The following COG5 variants were observed in gnomAD, a reference collection of about 807,000 sequenced individuals.
COG5 encodes the protein component of oligomeric golgi complex 5, also known as conserved oligomeric Golgi complex subunit 5.
A neutral mutation model predicts 110.4 loss-of-function variants in COG5; 86 were observed. The ratio of observed to expected loss-of-function variants is 0.78; its 90% confidence interval spans 0.65 to 0.93. The LOEUF (loss-of-function observed/expected upper bound fraction) is 0.93. Ranked by LOEUF, COG5 falls within the 40% of genes least tolerant of loss-of-function variation. The pLI is 0.00. For synonymous variants in COG5, 360 were observed against 334.6 expected, an observed-to-expected ratio of 1.08 and a Z score of -0.83; for missense variants, 1,077 against 987.0, an observed-to-expected ratio of 1.09 and a Z score of -1.22.
chr7:107,543,640 C>A (rs1182470204), intron 5 of COG5, among the ~76,000 whole-genome samples: 1 of 152,174 alleles, frequency 6.6e-6, no homozygotes, highest in Non-Finnish European at 1.5e-5. Context: ...CAGCACCAGG[C>A]CAGCCCCTGA....
chr7:107,205,496 G>C (rs1368410538), intron 21 of COG5, among the ~76,000 whole-genome samples: 1 of 152,176 alleles, frequency 6.6e-6, no homozygotes, highest in Non-Finnish European at 1.5e-5. Context: ...TGCCCACCTA[G>C]GGAAAGATCA....
intron 7 of COG5, among the ~76,000 whole-genome samples, chr7:107,401,827 G>T (rs1791453481): frequency 6.6e-6 from 1 of 152,100 alleles, no homozygotes; most frequent in Non-Finnish European, 1.5e-5. Flanking sequence ...GGGTCATAAG[G>T]GAAGGAAAAC....
At chr7:107,392,897 G>T (rs767699019) in intron 7 of COG5, among the ~76,000 whole-genome samples, 2 of 151,990 alleles carry the variant, frequency 1.3e-5, no homozygotes, top group African/African-American at 4.8e-5. Flanking sequence ...TCTAAAAGGC[G>T]CCTGCATACC....
At chr7:107,459,473 TA>T (rs11320434) in intron 6 of COG5, among the ~76,000 whole-genome samples, 13,002 of 147,830 alleles carry the variant, frequency 0.088, 1,471 homozygotes, top group African/African-American at 0.26. Flanking sequence ...TTTTTTTCAG[TA>T]AAAAAAAAAA....
At chr7:107,376,327 A>G (rs1413996125) in intron 7 of COG5, among the ~76,000 whole-genome samples, 1 of 151,908 alleles carries the variant, frequency 6.6e-6, no homozygotes, top group Non-Finnish European at 1.5e-5. Context: ...AAAAGTTTTC[A>G]GGTATTGTTT....
At chr7:107,348,463 T>C (rs1232106771) in intron 10 of COG5, among the ~76,000 whole-genome samples, 1 of 152,194 alleles carries the variant, frequency 6.6e-6, no homozygotes, top group East Asian at 1.9e-4. Context: ...CTGATTGAAT[T>C]TCTTTAAAGG....
intron 19 of COG5, among the ~76,000 whole-genome samples, chr7:107,220,191 T>C (rs911759500): frequency 2.0e-5 from 3 of 152,184 alleles, no homozygotes; most frequent in African/African-American, 7.2e-5. Flanking sequence ...AATCAGTATA[T>C]ACAGAAACAA....
At chr7:107,531,133 T>A (rs1801172686) in intron 5 of COG5, among the ~76,000 whole-genome samples, 2 of 152,244 alleles carry the variant, frequency 1.3e-5, no homozygotes, top group African/African-American at 4.8e-5. Context: ...CTTCTCTTTT[T>A]TTCATTGCAA....
At chr7:107,258,221 G>A (rs1803030034) in intron 15 of COG5, 52 bp downstream of exon 15, 1 of 1,071,934 alleles carries the variant, frequency 9.3e-7, no homozygotes, top group East Asian at 2.5e-5. Context: ...GTCCAAATTT[G>A]AGGCAAGAAG....
chr7:107,302,743 A>T (rs1584647466), intron 11 of COG5, among the ~76,000 whole-genome samples: 1 of 152,228 alleles, frequency 6.6e-6, no homozygotes, highest in South Asian at 2.1e-4. Flanking sequence ...GCAGACAGAT[A>T]GCAGACTCAT....
At chr7:107,414,427 G>T (rs1175459885) in intron 6 of COG5, among the ~76,000 whole-genome samples, 1 of 151,926 alleles carries the variant, frequency 6.6e-6, no homozygotes, top group Admixed American at 6.6e-5. Context: ...GCTTTTAGTG[G>T]AAAAGAAATG....
intron 8 of COG5, among the ~76,000 whole-genome samples, chr7:107,365,531 T>C (rs2129047504): frequency 6.8e-6 from 1 of 148,136 alleles, no homozygotes; most frequent in South Asian, 2.1e-4. Context: ...ATCTAAGGAT[T>C]CTTTGATTAC....
intron 17 of COG5, among the ~76,000 whole-genome samples, chr7:107,247,015 T>G (rs1251918263): frequency 6.6e-6 from 1 of 152,200 alleles, no homozygotes; most frequent in Admixed American, 6.5e-5. Context: ...GTGGTACATA[T>G]ACACCATGGA....
In COG5 at chr7:107,476,183, T is replaced by TAAAAAAAAAAAAAAAAAAAAAAAAAA. The variant is rs1563056700; in HGVS notation, c.538+51053_538+51054insTTTTTTTTTTTTTTTTTTTTTTTTTT. Among the ~76,000 whole-genome samples, 45 of 86,454 alleles carry TAAAAAAAAAAAAAAAAAAAAAAAAAA rather than the reference T, an allele frequency of 5.2e-4. 3 individuals are homozygous for TAAAAAAAAAAAAAAAAAAAAAAAAAA. The highest frequency in any genetic ancestry group is 6.1e-4 in the Non-Finnish European group (28 of 45,962). 56.7% of individuals were successfully genotyped at this position (86,454 alleles called of 152,430 possible). A position where few individuals can be genotyped will look rare whatever the true frequency, so the allele number is the denominator to read the frequency against. On this transcript the variant is annotated intron_variant, in intron 6 of 21. Transcript: ENST00000297135. ...TCTGGATTAATATAGTGCAATGATT[T>TAAAAAAAAAAAAAAAAAAAAAAAAAA]TAAAAAAAAAAAAAAAAAAAAAAAG...
intron 6 of COG5, among the ~76,000 whole-genome samples, chr7:107,452,363 C>G (rs1226629430): frequency 1.3e-5 from 2 of 152,142 alleles, no homozygotes; most frequent in Admixed American, 6.5e-5. Flanking sequence ...GGCCCTATCT[C>G]TCAACGCTTC....
rs1584729245 is a variant in COG5, at chr7:107,361,929, T to G, written c.1026+104A>C. On this transcript the variant is annotated intron_variant, in intron 10 of 21. Coordinates refer to ENST00000297135, the MANE Select transcript of COG5 (RefSeq NM_006348.5). ...AGAAATACACTTCTCTATTGCCATC[T>G]GATATGTAGCCACTCTATAAGGTAG... is the stretch of plus-strand genomic sequence containing the variant. 2.0e-5 allele frequency: 15 copies of G among 735,260 alleles called. No individual in the cohort carries two copies. The South Asian group carries it at 2.1e-4, about 10-fold the overall frequency. The allele number at this position is 735,260 out of a possible 1,614,324, so 45.5% of individuals were successfully genotyped here.
At chr7:107,454,938 T>C (rs147091458) in intron 6 of COG5, among the ~76,000 whole-genome samples, 1 of 152,316 alleles carries the variant, frequency 6.6e-6, no homozygotes, top group East Asian at 1.9e-4. Context: ...TGTCTTAATA[T>C]GTTGTCATTG....
intron 7 of COG5, among the ~76,000 whole-genome samples, chr7:107,385,009 C>A (rs1206336805): frequency 6.6e-6 from 1 of 152,170 alleles, no homozygotes; most frequent in African/African-American, 2.4e-5. Flanking sequence ...CAGAATGTGA[C>A]CTTATTTGAA....
chr7:107,471,258 T>C (rs1436408585), intron 6 of COG5: 1 of 152,112 alleles, frequency 6.6e-6, no homozygotes, highest in Non-Finnish European at 1.5e-5. Context: ...AATAACAGTT[T>C]GGTTATTTTG....
Sources: gnomAD v4.1 joint callset for allele counts (sites outside exome capture counted in the v4.1 genomes callset) on GRCh38, gnomAD v4.1.1 for gene constraint, MANE v1.5 for transcripts, NCBI Gene and HGNC (gene_info 2026-07-23, HGNC 2026-07-21) for gene names.